The following DDC variants were observed in gnomAD, a reference collection of about 807,000 sequenced individuals.
DDC encodes the protein dopa decarboxylase.
DDC carries 43 observed loss-of-function variants against 60.0 expected under a neutral mutation model. The observed-to-expected ratio is 0.72, with a 90% CI of 0.56 to 0.92. The LOEUF (loss-of-function observed/expected upper bound fraction) is 0.92, where lower values mean the gene tolerates loss of function less well. Ranked by LOEUF, DDC falls within the 40% of genes least tolerant of loss-of-function variation. The pLI is 0.00. For synonymous variants in DDC, 232 were observed against 234.6 expected, an observed-to-expected ratio of 0.99 and a Z score of 0.10; for missense variants, 573 against 620.2, an observed-to-expected ratio of 0.92 and a Z score of 0.81.
chr7:50,472,311 CA>C (rs1248348225), intron 11 of DDC, among the ~76,000 whole-genome samples: 5 of 152,186 alleles, frequency 3.3e-5, no homozygotes, highest in Admixed American at 6.5e-5. Flanking sequence ...TTAAATAAAT[CA>C]GGAGTAAAAC....
intron 3 of DDC, 112 bp from the exon 4 acceptor site, chr7:50,538,091 A>T (rs1283450083): frequency 7.5e-7 from 1 of 1,325,192 alleles, no homozygotes; most frequent in African/African-American, 1.4e-5. Context: ...AAAATCACCC[A>T]ATCTCAGATG....
rs562283128 is a variant in DDC at position 50,496,097 on chromosome 7, T to C, written c.877-680A>G. 2.0e-4 allele frequency among the ~76,000 whole-genome samples: 30 copies of C among 147,576 alleles called. 1 individual carries two copies. Among genetic ancestry groups the C allele is most frequent in the Admixed American group, 1.3e-3 (19 of 14,872 alleles). ...CATTTACCTAAATGCTTCTCTCTCT[T>C]TTTTTTTTTTTGAGCGACAGGGTCT... On this transcript the variant is annotated intron_variant, in intron 8 of 14. Transcript: ENST00000444124.
At chr7:50,499,295 C>T (rs2043196771) in intron 7 of DDC, 53 bp from the exon 8 acceptor site, 2 of 1,317,620 alleles carry the variant, frequency 1.5e-6, no homozygotes, top group Non-Finnish European at 2.2e-6. Context: ...CACCACGGAG[C>T]CTGCCAGCTG....
At chr7:50,507,523 T>C (rs539760268) in intron 6 of DDC, among the ~76,000 whole-genome samples, 315 of 152,304 alleles carry the variant, frequency 2.1e-3, no homozygotes, top group Middle Eastern at 0.017. Flanking sequence ...AGAGCCACCA[T>C]GCCCAGCCAA....
intron 1 of DDC, among the ~76,000 whole-genome samples, chr7:50,555,249 G>C (rs2045143923): frequency 6.6e-6 from 1 of 152,174 alleles, no homozygotes; most frequent in Admixed American, 6.5e-5. Flanking sequence ...GGGTGTCCTG[G>C]GTTCCTGAGA....
At chr7:50,495,293 G>T in intron 9 of DDC, 57 bp downstream of exon 9, 3 of 1,360,126 alleles carry the variant, frequency 2.2e-6, no homozygotes, top group Middle Eastern at 2.1e-4. Context: ...TTCCCTGCCA[G>T]CTTCTTTCAC....
At chr7:50,476,011 G>T (rs1027947074) in intron 11 of DDC, among the ~76,000 whole-genome samples, 2 of 152,120 alleles carry the variant, frequency 1.3e-5, no homozygotes, top group Admixed American at 1.3e-4. Context: ...CTTGATGGCA[G>T]AAGACAGCCA....
chr7:50,519,012 G>T (rs2043815093), intron 6 of DDC, among the ~76,000 whole-genome samples: 1 of 152,140 alleles, frequency 6.6e-6, no homozygotes, highest in Admixed American at 6.5e-5. Context: ...CTAATATCTA[G>T]AATCTACAAT....
In DDC at chr7:50,529,261, C is replaced by T; in HGVS notation, c.517G>A (p.Glu173Lys). 1 of 1,613,988 alleles carries T rather than the reference C, an allele frequency of 6.2e-7. No individual in the cohort carries two copies. Among genetic ancestry groups the T allele is most frequent in the Non-Finnish European group, 8.5e-7 (1 of 1,180,050 alleles). ...VIHRLQAASP[E>K]LTQAAIMEKL... Reference sequence around the variant, plus strand: ...TCCATGATAGCGGCCTGTGTGAGCTCTGGGGACGCTGCCTGCAGCCGATGG... The same window carrying T: ...TCCATGATAGCGGCCTGTGTGAGCTTTGGGGACGCTGCCTGCAGCCGATGG... Residue 173 changes from glutamate (E) to lysine (K), a missense_variant, in exon 5 of 15, where the codon GAG becomes AAG. Transcript: ENST00000444124.
chr7:50,535,820 G>A (rs2044387651), intron 4 of DDC, among the ~76,000 whole-genome samples: 1 of 152,202 alleles, frequency 6.6e-6, no homozygotes, highest in South Asian at 2.1e-4. Context: ...CTTTGCTGAT[G>A]TGATTAAGTT....
In DDC at chr7:50,458,490, T is replaced by A. The variant is rs1035138500; in HGVS notation, c.*372A>T. On this transcript the variant is annotated 3_prime_UTR_variant, in exon 15 of 15. Transcript: ENST00000444124. The stretch of plus-strand genomic sequence containing the variant: ...CATTTAGCCACATGACAAAAGACAA[T>A]TTGAAGACCACAGATATAATTTCAA... 2.0e-5 allele frequency: 3 copies of A among 152,220 alleles called. No homozygotes were observed. The highest frequency in any genetic ancestry group is 2.9e-5 in the Non-Finnish European group (2 of 68,032). 9.4% of individuals were successfully genotyped at this position (152,220 alleles called of 1,614,324 possible).
chr7:50,462,232 A>AAAAAAAAAAAAAAAAAG (rs2042292702), intron 14 of DDC, among the ~76,000 whole-genome samples: 1 of 132,266 alleles, frequency 7.6e-6, no homozygotes, highest in Non-Finnish European at 1.8e-5. Flanking sequence ...AAGACAAAAA[A>AAAAAAAAAAAAAAAAAG]AAAAAAAAAA....
intron 10 of DDC, among the ~76,000 whole-genome samples, chr7:50,478,671 A>G (rs775051165): frequency 2.0e-5 from 3 of 152,226 alleles, no homozygotes; most frequent in Non-Finnish European, 4.4e-5. Context: ...CAAACCTCTT[A>G]GCCAGTAGTT....
chr7:50,462,226 C>CAAAGAAAAAAAAAAAA (rs2042290182), intron 14 of DDC, among the ~76,000 whole-genome samples: 1 of 75,380 alleles, frequency 1.3e-5, no homozygotes, highest in Non-Finnish European at 2.4e-5. Flanking sequence ...GACAAAAAGA[C>CAAAGAAAAAAAAAAAA]AAAAAAAAAA....
chr7:50,475,355 A>G (rs924283933), intron 11 of DDC, among the ~76,000 whole-genome samples: 1 of 152,236 alleles, frequency 6.6e-6, no homozygotes, highest in Non-Finnish European at 1.5e-5. Context: ...AAATGGCATC[A>G]TCCATGGATC....
At chr7:50,462,846 G>T (rs11575546) in intron 14 of DDC, among the ~76,000 whole-genome samples, 7,583 of 147,402 alleles carry the variant, frequency 0.051, 448 homozygotes, top group African/African-American at 0.15. Context: ...CTCGGCTCAC[G>T]GCAACCTCCG....
At chr7:50,466,389 G>A (rs1420062333) in intron 13 of DDC, among the ~76,000 whole-genome samples, 1 of 150,308 alleles carries the variant, frequency 6.7e-6, no homozygotes, top group Non-Finnish European at 1.5e-5. Context: ...AAAGGCTGAA[G>A]CAGGAGAATC....
chr7:50,470,204 G>T (rs767123265), intron 11 of DDC, 33 bp from the exon 12 acceptor site: 1 of 1,474,028 alleles, frequency 6.8e-7, no homozygotes, highest in Non-Finnish European at 9.5e-7. Context: ...CCATCAGTGA[G>T]GAAGATATTA....
chr7:50,511,052 TACACACACAC>T (rs377138071), intron 6 of DDC, among the ~76,000 whole-genome samples: 4 of 139,098 alleles, frequency 2.9e-5, no homozygotes, highest in African/African-American at 2.7e-5. Flanking sequence ...GATATATCTA[TACACACACAC>T]ACACACACAC....
Sources: allele counts gnomAD v4.1 joint callset (sites outside exome capture counted in the v4.1 genomes callset), GRCh38; gene constraint gnomAD v4.1.1; transcripts MANE v1.5; gene names NCBI Gene and HGNC (gene_info 2026-07-23, HGNC 2026-07-21).